The following SHROOM4 variants were observed in gnomAD, a reference collection of about 807,000 sequenced individuals.
The protein encoded by SHROOM4 is protein Shroom4.
A neutral mutation model predicts 80.3 loss-of-function variants in SHROOM4; 17 were observed. The ratio of observed to expected loss-of-function variants is 0.21; its 90% CI spans 0.14 to 0.32. SHROOM4 has a LOEUF of 0.32. Ranked by LOEUF, SHROOM4 falls within the 10% of genes least tolerant of loss-of-function variation. The pLI, the probability that SHROOM4 is intolerant of heterozygous loss-of-function variation, is 1.00. For synonymous variants in SHROOM4, 400 were observed against 437.5 expected, an observed-to-expected ratio of 0.91 and a Z score of 1.07; for missense variants, 993 against 1,140.3, an observed-to-expected ratio of 0.87 and a Z score of 1.86.
Position 50,607,974 on chromosome X carries a change from A to G in SHROOM4, c.3168T>C (p.Arg1056=), listed in dbSNP as rs61753881. ...LASMPHPLRS[R]AFSESHISLA... ...AGCTGATGTGACTCTCTGAGAAGGC[A>G]CGGCTGCGCAGTGGGTGGGGCATGG... is the stretch of plus-strand genomic sequence containing the variant. The change falls in exon 6 of 9, where the codon CGT becomes CGC. Residue 1056 remains arginine, a synonymous_variant. Transcript: ENST00000376020. 7.9e-3 allele frequency: 9,602 copies of G among 1,210,132 alleles called. 423 individuals are homozygous for G. The African/African-American group carries it at 0.15, about 18-fold the overall frequency.
intron 1 of SHROOM4, among the ~76,000 whole-genome samples, chrX:50,711,746 T>C (rs1933822391): frequency 8.9e-6 from 1 of 112,440 alleles, no homozygotes; most frequent in African/African-American, 3.2e-5. Flanking sequence ...TATAAGTGTT[T>C]AATGTAAAAT....
intron 2 of SHROOM4, among the ~76,000 whole-genome samples, chrX:50,666,435 T>C (rs1478867182): frequency 2.7e-5 from 3 of 111,675 alleles, no homozygotes; most frequent in Non-Finnish European, 3.8e-5. Flanking sequence ...TTCATCATAA[T>C]AGTGATTCTG....
chrX:50,596,946 T>G lies in SHROOM4; in HGVS notation c.4231A>C (p.Lys1411Gln), dbSNP rs200066869. 7.0e-5 allele frequency: 85 copies of G among 1,209,183 alleles called. No individual in the cohort carries two copies. The Admixed American group carries it at 1.7e-3, about 24-fold the overall frequency. Residue 1411 changes from lysine (K) to glutamine (Q), a missense_variant, in exon 9 of 9, where the codon AAG becomes CAG. By Grantham distance (53) the Lys-to-Gln change is moderately conservative. Transcript: ENST00000376020. ...NQEKLVLIEK[K>Q]QQLTGQLADA... is the part of the protein sequence containing the mutation. ...GCCAACTGCCCCGTCAGCTGCTGCT[T>G]CTTCTCTATCAGTACCAACTGGGGA... is the stretch of plus-strand genomic sequence containing the variant.
At chrX:50,667,746 G>A (rs953532330) in intron 2 of SHROOM4, among the ~76,000 whole-genome samples, 5 of 111,819 alleles carry the variant, frequency 4.5e-5, no homozygotes, top group African/African-American at 9.8e-5. Context: ...AGGCAAACCA[G>A]TGAGGGACCT....
chrX:50,795,002 CATCTTTATATAT>C (rs1478316445), intron 1 of SHROOM4, among the ~76,000 whole-genome samples: 10 of 84,450 alleles, frequency 1.2e-4, no homozygotes, highest in East Asian at 3.4e-4. Context: ...TGGATAACAA[CATCTTTATATAT>C]ATCTTTATAT....
At position 50,590,502 on chromosome X, in the gene SHROOM4, G is replaced by A. The variant is rs1026976979; in HGVS notation, c.*6193C>T. Among the ~76,000 whole-genome samples the A allele has an allele frequency of 6.3e-5, 7 of 110,735 alleles. No homozygotes were observed. Among genetic ancestry groups the A allele is most frequent in the African/African-American group, 2.3e-4 (7 of 30,434 alleles). On this transcript the variant is annotated 3_prime_UTR_variant, in exon 9 of 9. Transcript: ENST00000376020. ...CCTGACCTCCTGATCCGCCCGCCAC[G>A]GCCTCCCAAAGTGCTGGGATTACAG... is the stretch of plus-strand genomic sequence containing the variant.
At chrX:50,625,132 G>A (rs1467802417) in intron 5 of SHROOM4, among the ~76,000 whole-genome samples, 2 of 111,369 alleles carry the variant, frequency 1.8e-5, no homozygotes, top group Non-Finnish European at 3.8e-5. Context: ...AAGAATGTTT[G>A]TATTGTTTGC....
chrX:50,664,451 TGAGA>T (rs1932624042), intron 2 of SHROOM4, among the ~76,000 whole-genome samples: 1 of 111,032 alleles, frequency 9.0e-6, no homozygotes, highest in Non-Finnish European at 1.9e-5. Flanking sequence ...CTGTCACTAA[TGAGA>T]GAAAGTACCT....
In SHROOM4 at chrX:50,634,893, C is replaced by T. The variant is rs1569546844; in HGVS notation, c.1180G>A (p.Ala394Thr). 3.3e-6 allele frequency: 4 copies of T among 1,206,437 alleles called. No individual in the cohort carries two copies. Among genetic ancestry groups the T allele is most frequent in the Non-Finnish European group, 4.5e-6 (4 of 892,591 alleles). Residue 394 changes from alanine (A) to threonine (T), a missense_variant, in exon 4 of 9, where the codon GCT becomes ACT. By Grantham distance (58) the Ala-to-Thr change is moderately conservative. Transcript: ENST00000376020. ...LNEASAELAK[A>T]SFGRPPHLIG... is the part of the protein sequence containing the mutation. ...AGATGTGGAGGTCTGCCAAAAGAAG[C>T]CTTAGCTAGCTCTGCAGAAGCCTCA...
chrX:50,658,984 T>C (rs1469560822), intron 2 of SHROOM4, among the ~76,000 whole-genome samples: 7 of 111,664 alleles, frequency 6.3e-5, no homozygotes, highest in Non-Finnish European at 1.3e-4. Context: ...TAATACAGAA[T>C]ATATAATGTC....
chrX:50,705,273 A>G (rs1933634663), intron 1 of SHROOM4, among the ~76,000 whole-genome samples: 1 of 99,066 alleles, frequency 1.0e-5, no homozygotes, highest in Non-Finnish European at 1.9e-5. Context: ...GAAAAAAAAG[A>G]AAAAAAATGC....
At chrX:50,656,077 A>G (rs1932297989) in intron 2 of SHROOM4, among the ~76,000 whole-genome samples, 1 of 111,660 alleles carries the variant, frequency 9.0e-6, no homozygotes. Context: ...ATGTCTCTTC[A>G]GATCTTTGGC....
intron 1 of SHROOM4, among the ~76,000 whole-genome samples, chrX:50,783,103 T>G (rs1032297189): frequency 9.0e-6 from 1 of 111,501 alleles, no homozygotes; most frequent in African/African-American, 3.3e-5. Flanking sequence ...TAAAATGAGG[T>G]TTGGATACAG....
chrX:50,609,665 A>ACG (rs1929859388), intron 5 of SHROOM4, among the ~76,000 whole-genome samples: 1 of 88,248 alleles, frequency 1.1e-5, no homozygotes, highest in African/African-American at 4.0e-5. Flanking sequence ...AGTCATGGAT[A>ACG]TGTGTGTGTG....
In SHROOM4 at chrX:50,591,876, C is replaced by T. The variant is rs781926131; in HGVS notation, c.*4819G>A. 7.9e-4 allele frequency: 251 copies of T among 316,647 alleles called. 1 individual carries two copies. Among genetic ancestry groups the T allele is most frequent in the Non-Finnish European group, 1.5e-4 (25 of 164,112 alleles). 26.1% of individuals were successfully genotyped at this position (316,647 alleles called of 1,213,427 possible). ...GGGACTACTGGTGCGTGCCACCACA[C>T]CTGGCTAATTTTTTGTATTTTTAGT... On this transcript the variant is annotated 3_prime_UTR_variant, in exon 9 of 9. Transcript: ENST00000376020.
chrX:50,735,110 T>G (rs782596121), intron 1 of SHROOM4, among the ~76,000 whole-genome samples: 37 of 111,954 alleles, frequency 3.3e-4, no homozygotes, highest in Non-Finnish European at 6.2e-4. Context: ...CAAGACAGTC[T>G]TGTAATGGCA....
chrX:50,813,935 A>AC lies in SHROOM4; in HGVS notation c.83dup (p.Leu29SerfsTer5). On this transcript the variant is annotated frameshift_variant, in exon 1 of 9. Transcript: ENST00000376020. LOFTEE classifies it high-confidence loss of function. The stretch of plus-strand genomic sequence containing the variant: ...CTGTGAGCGGCTCACAGTGTTCCAG[A>AC]CCCCCCTTAAGGGTGAAGCCCCAGG... 2 of 1,202,473 alleles carry AC rather than the reference A, an allele frequency of 1.7e-6. No individual in the cohort carries two copies. The highest frequency in any genetic ancestry group is 3.6e-5 in the South Asian group (2 of 55,995).
intron 2 of SHROOM4, among the ~76,000 whole-genome samples, chrX:50,662,500 C>CA (rs34755565): frequency 3.2e-3 from 300 of 92,990 alleles, no homozygotes; most frequent in African/African-American, 9.4e-3. Context: ...GACTCCATCT[C>CA]AAAAAAAAAA....
chrX:50,668,126 T>G (rs565256180), intron 2 of SHROOM4, among the ~76,000 whole-genome samples: 5 of 112,052 alleles, frequency 4.5e-5, no homozygotes, highest in African/African-American at 1.6e-4. Flanking sequence ...GAGACAGGAC[T>G]TTCATCCATG....
Sources: allele counts gnomAD v4.1 joint callset (sites outside exome capture counted in the v4.1 genomes callset), GRCh38; gene constraint gnomAD v4.1.1; transcripts MANE v1.5; gene names NCBI Gene and HGNC (gene_info 2026-07-23, HGNC 2026-07-21).